SLC24A3: variants seen among roughly 807,000 people sequenced by gnomAD.
SLC24A3 encodes the protein solute carrier family 24 member 3, also known as sodium/potassium/calcium exchanger 3.
Under a neutral mutation model 75.8 loss-of-function variants are expected in SLC24A3, and 28 were observed. The observed-to-expected ratio is 0.37, with a 90% confidence interval of 0.27 to 0.51. The LOEUF is 0.51. SLC24A3 is among the 20% of genes least tolerant of loss of function. SLC24A3 has a pLI of 0.94. For synonymous variants in SLC24A3, 372 were observed against 334.1 expected (o/e 1.11, Z -1.24); for missense variants, 663 against 847.8 (o/e 0.78, Z 2.71).
At position 19,246,785 on chromosome 20, in the gene SLC24A3, C is replaced by T. The variant is rs368000812; in HGVS notation, c.142+33801C>T. 2.0e-3 allele frequency among the ~76,000 whole-genome samples: 312 copies of T among 152,234 alleles called. 9 individuals are homozygous for T. The South Asian group carries it at 0.058, about 28-fold the overall frequency. Reference sequence around the variant, plus strand: ...CTATCTCTGTCTTCTATCTCTATCCCTTTCTCTATCTCTATCTCTATCTCC... The same window carrying T: ...CTATCTCTGTCTTCTATCTCTATCCTTTTCTCTATCTCTATCTCTATCTCC... On this transcript the variant is annotated intron_variant, in intron 1 of 16. Transcript: ENST00000328041.
intron 9 of SLC24A3, among the ~76,000 whole-genome samples, chr20:19,679,670 T>A (rs1258802896): frequency 6.6e-6 from 1 of 152,248 alleles, no homozygotes; most frequent in Non-Finnish European, 1.5e-5. Context: ...ATTATCGTCA[T>A]ACGTAAAATT....
chr20:19,372,054 G>C (rs1431200800), intron 2 of SLC24A3, among the ~76,000 whole-genome samples: 1 of 152,180 alleles, frequency 6.6e-6, no homozygotes. Flanking sequence ...TGGAAGGGAT[G>C]TGTAGGACAA....
chr20:19,406,223 T>TGAGAGA (rs1268823532), intron 2 of SLC24A3, among the ~76,000 whole-genome samples: 33 of 149,952 alleles, frequency 2.2e-4, no homozygotes, highest in African/African-American at 7.8e-4. Flanking sequence ...CGTGTGTGTG[T>TGAGAGA]GTGTGAGAGA....
chr20:19,549,647 G>A (rs1225557981), intron 3 of SLC24A3, among the ~76,000 whole-genome samples: 3 of 152,130 alleles, frequency 2.0e-5, no homozygotes, highest in African/African-American at 7.2e-5. Flanking sequence ...AGCAAGGTGT[G>A]TTGGCGGGCG....
At chr20:19,242,394 T>C (rs1982356216) in intron 1 of SLC24A3, 1 of 152,174 alleles carries the variant, frequency 6.6e-6, no homozygotes, top group Admixed American at 6.5e-5. Context: ...AGATGTCCCA[T>C]ATAGATTGAG....
intron 2 of SLC24A3, among the ~76,000 whole-genome samples, chr20:19,473,918 G>C (rs1246245165): frequency 2.0e-5 from 3 of 152,226 alleles, no homozygotes; most frequent in African/African-American, 7.2e-5. Flanking sequence ...GTTTTCTAAT[G>C]AACTTTTATT....
intron 5 of SLC24A3, 96 bp from the exon 6 acceptor site, chr20:19,585,345 C>G (rs924687843): frequency 2.5e-6 from 3 of 1,186,990 alleles, no homozygotes; most frequent in Non-Finnish European, 2.4e-6. Context: ...CCTGTAGATT[C>G]TGAGAACAAT....
In SLC24A3 at chr20:19,721,187, A is replaced by G. The variant is rs930490941; in HGVS notation, c.*47A>G. ...CTCAGCTCCTTCTTTTCTGTGCAATACGAGACCCGGCCGCACCCCGAGTCA... is the reference window on the plus strand; with the variant it reads ...CTCAGCTCCTTCTTTTCTGTGCAATGCGAGACCCGGCCGCACCCCGAGTCA... On this transcript the variant is annotated 3_prime_UTR_variant, in exon 17 of 17. Transcript: ENST00000328041. The G allele has an allele frequency of 6.2e-7, 1 of 1,606,958 alleles. No individual in the cohort carries two copies. The highest frequency in any genetic ancestry group is 1.7e-5 in the Admixed American group (1 of 59,652).
Position 19,503,935 on chromosome 20 carries a change from A to G in SLC24A3, c.272-11553A>G, listed in dbSNP as rs577562098. On this transcript the variant is annotated intron_variant, in intron 2 of 16. Coordinates refer to ENST00000328041, the MANE Select transcript of SLC24A3 (RefSeq NM_020689.4). ...AAACAAAATGATATCAGGAATCACT[A>G]TTACCAGGACCAAGGAGTGCCAGTT... Among the ~76,000 whole-genome samples, 3 of 152,332 alleles carry G rather than the reference A, an allele frequency of 2.0e-5. No homozygotes were observed. In the East Asian group the frequency reaches 5.8e-4, roughly 29 times the overall value.
At chr20:19,467,678 C>T (rs544632982) in intron 2 of SLC24A3, among the ~76,000 whole-genome samples, 6 of 151,930 alleles carry the variant, frequency 3.9e-5, no homozygotes, top group East Asian at 1.9e-4. Flanking sequence ...GTCAGGAAGT[C>T]GAGACCAGCC....
intron 15 of SLC24A3, among the ~76,000 whole-genome samples, chr20:19,705,029 C>T (rs2032914083): frequency 6.6e-6 from 1 of 152,210 alleles, no homozygotes; most frequent in Non-Finnish European, 1.5e-5. Flanking sequence ...AGCAGTCACC[C>T]ATGCATAACT....
chr20:19,432,274 A>T (rs765917080), intron 2 of SLC24A3, among the ~76,000 whole-genome samples: 14 of 39,992 alleles, frequency 3.5e-4, no homozygotes, highest in Admixed American at 1.1e-3. Context: ...TATCTGTTTT[A>T]TATATATATA....
chr20:19,503,950 G>A (rs1451305273), intron 2 of SLC24A3, among the ~76,000 whole-genome samples: 1 of 152,172 alleles, frequency 6.6e-6, no homozygotes, highest in Non-Finnish European at 1.5e-5. Flanking sequence ...CAGGACCAAG[G>A]AGTGCCAGTT....
chr20:19,545,379 T>C (rs1214762997), intron 3 of SLC24A3, among the ~76,000 whole-genome samples: 1 of 152,232 alleles, frequency 6.6e-6, no homozygotes, highest in Non-Finnish European at 1.5e-5. Context: ...GTGCTCCCCC[T>C]GGAGTCAGCT....
intron 1 of SLC24A3, among the ~76,000 whole-genome samples, chr20:19,238,758 C>T (rs184491600): frequency 1.8e-3 from 276 of 151,480 alleles, no homozygotes; most frequent in Admixed American, 5.0e-3. Context: ...GTCTCTGCAG[C>T]ATGCAAAGGG....
intron 2 of SLC24A3, among the ~76,000 whole-genome samples, chr20:19,464,565 C>A (rs1023975880): frequency 6.6e-6 from 1 of 152,260 alleles, no homozygotes; most frequent in Non-Finnish European, 1.5e-5. Flanking sequence ...TCTTCGTATT[C>A]TCACTCATTT....
chr20:19,257,328 G>A (rs1025648429), intron 1 of SLC24A3, among the ~76,000 whole-genome samples: 1 of 152,130 alleles, frequency 6.6e-6, no homozygotes, highest in African/African-American at 2.4e-5. Context: ...TTCCTTAATC[G>A]ATCCTCCTCT....
intron 2 of SLC24A3, among the ~76,000 whole-genome samples, chr20:19,451,506 T>C (rs1987480577): frequency 1.3e-5 from 2 of 152,224 alleles, no homozygotes; most frequent in African/African-American, 4.8e-5. Flanking sequence ...AAGTCTGCTA[T>C]GTGGCACAGT....
At chr20:19,381,120 G>T (rs1041798516) in intron 2 of SLC24A3, among the ~76,000 whole-genome samples, 1 of 152,138 alleles carries the variant, frequency 6.6e-6, no homozygotes, top group Non-Finnish European at 1.5e-5. Context: ...ACCAACAGAA[G>T]TGTCCTATAT....
Sources: allele counts gnomAD v4.1 joint callset (sites outside exome capture counted in the v4.1 genomes callset), GRCh38; gene constraint gnomAD v4.1.1; transcripts MANE v1.5; gene names NCBI Gene and HGNC (gene_info 2026-07-23, HGNC 2026-07-21).